Variants in YY1 observed in about 807,000 individuals in gnomAD.
The protein encoded by YY1 is YY1 transcription factor.
YY1 carries 2 observed loss-of-function variants against 35.6 expected under a neutral mutation model. The observed-to-expected ratio is 0.06, with a 90% CI of 0.02 to 0.18. The LOEUF is 0.18. Ranked by LOEUF, YY1 falls within the 10% of genes least tolerant of loss-of-function variation. YY1 has a pLI of 1.00. For missense variants in YY1, 322 were observed against 573.4 expected (o/e 0.56, Z 4.48); for synonymous variants, 268 against 238.9 (o/e 1.12, Z -1.12).
intron 2 of YY1, among the ~76,000 whole-genome samples, chr14:100,273,703 G>T (rs1429695896): frequency 6.6e-6 from 1 of 152,052 alleles, no homozygotes; most frequent in East Asian, 1.9e-4. Context: ...TCATGGAGGG[G>T]TGTGAGAGGG....
chr14:100,269,882 C>G (rs190241290), intron 2 of YY1, among the ~76,000 whole-genome samples: 1 of 152,234 alleles, frequency 6.6e-6, no homozygotes, highest in East Asian at 1.9e-4. Flanking sequence ...CTTATAATAA[C>G]AAACCAAGAG....
rs965953553 is a variant in YY1, at chr14:100,277,857, CAGG to C, written c.*262_*264del. 6.4e-6 allele frequency: 3 copies of C among 472,314 alleles called. No homozygotes were observed. Among genetic ancestry groups the C allele is most frequent in the Middle Eastern group, 5.6e-4 (1 of 1,778 alleles). 29.3% of individuals were successfully genotyped at this position (472,314 alleles called of 1,614,324 possible). Reference sequence around the variant, plus strand: ...GTGTTTTTGTAAAGTGTGGTCCCAACAGGAGGACAATTCATGAACTTCGCATCA... The same window carrying C: ...GTGTTTTTGTAAAGTGTGGTCCCAACAGGACAATTCATGAACTTCGCATCA... On this transcript the variant is annotated 3_prime_UTR_variant, in exon 5 of 5. Transcript: ENST00000262238. This position sits in a 1 kb window ranked among gnomAD's most constrained non-coding sequence, Gnocchi z 5.6.
At chr14:100,243,876 CGG>C (rs1595312592) in intron 1 of YY1, among the ~76,000 whole-genome samples, 1 of 151,826 alleles carries the variant, frequency 6.6e-6, no homozygotes, top group Non-Finnish European at 1.5e-5. Context: ...GAGGCCGAGG[CGG>C]GTGGGTCACG....
At chr14:100,245,227 C>T (rs61992930) in intron 1 of YY1, among the ~76,000 whole-genome samples, 7,414 of 152,184 alleles carry the variant, frequency 0.049, 207 homozygotes, top group African/African-American at 0.061. Flanking sequence ...TGAGCCACTG[C>T]GCCTGTCCTG....
At chr14:100,247,899 T>G (rs1024640137) in intron 1 of YY1, among the ~76,000 whole-genome samples, 1 of 152,178 alleles carries the variant, frequency 6.6e-6, no homozygotes, top group East Asian at 1.9e-4. Flanking sequence ...TTTGAATCTT[T>G]ATAGCAGGAA....
chr14:100,267,343 T>C (rs953730967), intron 2 of YY1, among the ~76,000 whole-genome samples: 2 of 152,210 alleles, frequency 1.3e-5, no homozygotes, highest in Admixed American at 6.5e-5. Context: ...CAGTAAATAA[T>C]ATTTGCATAA....
Position 100,276,806 on chromosome 14 carries a change from G to A in YY1, c.1062+158G>A. ...ACTTCTCCTGGGGAGTCGCTTAGAA[G>A]GGTTGCCGGGGCTCTGGACATCCTT... On this transcript the variant is annotated intron_variant, in intron 4 of 4. Coordinates refer to ENST00000262238, the MANE Select transcript of YY1 (RefSeq NM_003403.5). This position sits in a 1 kb window ranked among gnomAD's most constrained non-coding sequence, Gnocchi z 4.1. The A allele has an allele frequency of 9.8e-7, 1 of 1,022,100 alleles. No homozygotes were observed. Among genetic ancestry groups the A allele is most frequent in the South Asian group, 1.4e-5 (1 of 70,824 alleles). 63.3% of individuals were successfully genotyped at this position (1,022,100 alleles called of 1,614,324 possible). A position where few individuals can be genotyped will look rare whatever the true frequency, so the allele number is the denominator to read the frequency against.
chr14:100,281,597 C>T lies in YY1; in HGVS notation c.*3997C>T, dbSNP rs960944893. 6.6e-6 allele frequency: 1 copy of T among 152,244 alleles called. No individual in the cohort carries two copies. Among genetic ancestry groups the T allele is most frequent in the Non-Finnish European group, 1.5e-5 (1 of 68,054 alleles). 9.4% of individuals were successfully genotyped at this position (152,244 alleles called of 1,614,324 possible). Reference sequence around the variant, plus strand: ...AAGCCAAAACTCCAAGCTGCACTTTCTTGGGGTTCTGGCCATGCACTTCTT... The same window carrying T: ...AAGCCAAAACTCCAAGCTGCACTTTTTTGGGGTTCTGGCCATGCACTTCTT... On this transcript the variant is annotated 3_prime_UTR_variant, in exon 5 of 5. Coordinates refer to ENST00000262238, the MANE Select transcript of YY1 (RefSeq NM_003403.5).
intron 1 of YY1, among the ~76,000 whole-genome samples, chr14:100,240,258 CAA>C (rs1890711512): frequency 2.8e-5 from 3 of 105,568 alleles, no homozygotes; most frequent in Admixed American, 9.1e-5. Context: ...GCGCCCGCAT[CAA>C]CGGGCGCGCC....
At chr14:100,274,565 C>A (rs1052165533) in intron 2 of YY1, 133 bp from the exon 3 acceptor site, 20 of 742,466 alleles carry the variant, frequency 2.7e-5, no homozygotes, top group Non-Finnish European at 4.4e-5. Flanking sequence ...CTCATCCTTT[C>A]TGCTTCATGG....
Position 100,260,880 on chromosome 14 carries a change from C to T in YY1, c.680-1424C>T, listed in dbSNP as rs111319792. On this transcript the variant is annotated intron_variant, in intron 1 of 4. Coordinates refer to ENST00000262238, the MANE Select transcript of YY1 (RefSeq NM_003403.5). ...ACGTGGTCACGGCTCACTACAGCCT[C>T]GACCTCCTGGGCTCAAGTGATTGTC... 5.2e-3 allele frequency among the ~76,000 whole-genome samples: 717 copies of T among 137,032 alleles called. 5 individuals carry two copies. Among genetic ancestry groups the T allele is most frequent in the African/African-American group, 0.018 (681 of 37,258 alleles). 89.9% of individuals were successfully genotyped at this position (137,032 alleles called of 152,430 possible).
At chr14:100,248,875 A>G (rs993009396) in intron 1 of YY1, among the ~76,000 whole-genome samples, 1 of 150,398 alleles carries the variant, frequency 6.6e-6, no homozygotes, top group Non-Finnish European at 1.5e-5. Context: ...TTTTTGGTAG[A>G]GACGGGTTTC....
chr14:100,255,664 C>A (rs1456288495), intron 1 of YY1, among the ~76,000 whole-genome samples: 1 of 152,076 alleles, frequency 6.6e-6, no homozygotes, highest in African/African-American at 2.4e-5. Context: ...TGGTAATGAT[C>A]AAGAGTACAC....
chr14:100,251,636 G>C (rs931659397), intron 1 of YY1, among the ~76,000 whole-genome samples: 1 of 152,028 alleles, frequency 6.6e-6, no homozygotes, highest in African/African-American at 2.4e-5. Flanking sequence ...GGGGGAAGTG[G>C]AATAAAGGGG....
At chr14:100,255,021 A>G (rs867131950) in intron 1 of YY1, among the ~76,000 whole-genome samples, 2 of 126,530 alleles carry the variant, frequency 1.6e-5, no homozygotes, top group South Asian at 5.3e-4. Context: ...CTGGTCTCAA[A>G]CTACTGACCT....
chr14:100,258,051 G>A (rs1173265978), intron 1 of YY1, among the ~76,000 whole-genome samples: 1 of 151,960 alleles, frequency 6.6e-6, no homozygotes, highest in Admixed American at 6.6e-5. Flanking sequence ...AGGATTGCTT[G>A]AACCTTGGAG....
At chr14:100,250,186 TGCCAGAATGAGA>T (rs1890903273) in intron 1 of YY1, among the ~76,000 whole-genome samples, 1 of 152,218 alleles carries the variant, frequency 6.6e-6, no homozygotes, top group Non-Finnish European at 1.5e-5. Flanking sequence ...TGTGACAAGT[TGCCAGAATGAGA>T]CAGGTACTTA....
rs186601759 is a variant in YY1 at position 100,274,681 on chromosome 14, C to G, written c.843-17C>G. 7.5e-6 allele frequency: 12 copies of G among 1,610,512 alleles called. No individual in the cohort carries two copies. Among genetic ancestry groups the G allele is most frequent in the Admixed American group, 1.7e-5 (1 of 59,994 alleles). On this transcript the variant is annotated splice_polypyrimidine_tract_variant and intron_variant, in intron 2 of 4. Transcript: ENST00000262238. The stretch of plus-strand genomic sequence containing the variant: ...CACTCCTACAAATCTGTCTGTCTCT[C>G]TTTTTCTTTTGATAAGAATGAAGCC...
chr14:100,278,934 G>A lies in YY1; in HGVS notation c.*1334G>A, dbSNP rs1437942025. Reference sequence around the variant, plus strand: ...CTGACAGGAAATGCTTGTGGTCGTTGGTTATTTGGTTTGAGAGCCCTTGTT... The same window carrying A: ...CTGACAGGAAATGCTTGTGGTCGTTAGTTATTTGGTTTGAGAGCCCTTGTT... On this transcript the variant is annotated 3_prime_UTR_variant, in exon 5 of 5. Transcript: ENST00000262238. The A allele has an allele frequency of 6.6e-6, 1 of 152,206 alleles. No homozygotes were observed. Among genetic ancestry groups the A allele is most frequent in the Admixed American group, 6.5e-5 (1 of 15,284 alleles). The allele number at this position is 152,206 out of a possible 1,614,324, so 9.4% of individuals were successfully genotyped here.
Sources: gnomAD v4.1 joint callset for allele counts (sites outside exome capture counted in the v4.1 genomes callset) on GRCh38, gnomAD v4.1.1 for gene constraint, Gnocchi (gnomAD v3.1) non-coding constraint, MANE v1.5 for transcripts, NCBI Gene and HGNC (gene_info 2026-07-23, HGNC 2026-07-21) for gene names.